NAA11: variants seen among roughly 807,000 people sequenced by gnomAD.
NAA11 encodes N-alpha-acetyltransferase 11, NatA catalytic subunit.
In NAA11, 15 loss-of-function variants were observed where a neutral mutation model predicts 16.1. The observed-to-expected ratio is 0.93, with a 90% confidence interval of 0.62 to 1.44. The LOEUF (loss-of-function observed/expected upper bound fraction) is 1.44. NAA11 is among the 40% of genes most tolerant of loss of function. NAA11 has a pLI of 0.00. For synonymous variants in NAA11, 122 were observed against 112.4 expected (o/e 1.09, Z -0.54); for missense variants, 298 against 291.3 (o/e 1.02, Z -0.17).
chr4:79,214,692 G>A, the NAA11 span, among the ~76,000 whole-genome samples: 2 of 152,116 alleles, frequency 1.3e-5, no homozygotes, highest in Non-Finnish European at 2.9e-5. Context: ...TCAGCTACTT[G>A]GGAGGCTGAG....
chr4:79,277,484 TG>T lies in NAA11; in HGVS notation c.*122+16520del. On this transcript the variant is annotated intron_variant and NMD_transcript_variant, in intron 2 of 2. Transcript: ENST00000511542. ...TGTAAGGAAATACAAGAGGAGGGGT[TG>T]TTAGATATGAATTCTAAATTTCTTT... Among the ~76,000 whole-genome samples, 4 of 152,266 alleles carry T rather than the reference TG, an allele frequency of 2.6e-5. No individual in the cohort carries two copies. In the South Asian group the frequency reaches 8.3e-4, roughly 32 times the overall value.
At chr4:79,267,101 A>G (rs1315132600) in intron 2 of NAA11, among the ~76,000 whole-genome samples, 1 of 152,220 alleles carries the variant, frequency 6.6e-6, no homozygotes, top group Admixed American at 6.5e-5. Context: ...GTAGATATAA[A>G]TATAGTCAAG....
At chr4:79,277,641 C>T (rs1722686225) in intron 2 of NAA11, among the ~76,000 whole-genome samples, 1 of 151,982 alleles carries the variant, frequency 6.6e-6, no homozygotes, top group Non-Finnish European at 1.5e-5. Flanking sequence ...CACCCTGACT[C>T]ATTCCAATCA....
At chr4:79,168,078 T>A in the NAA11 span, among the ~76,000 whole-genome samples, 1 of 151,838 alleles carries the variant, frequency 6.6e-6, no homozygotes, top group Non-Finnish European at 1.5e-5. Context: ...TGTCCATGTG[T>A]TCTAATTGTT....
intron 2 of NAA11, chr4:79,228,051 A>G (rs910426405): frequency 2.6e-5 from 4 of 152,020 alleles, no homozygotes; most frequent in African/African-American, 9.7e-5. Flanking sequence ...CTTGCAAACC[A>G]GTAACAACAG....
At chr4:79,262,504 T>G (rs1722263658) in intron 2 of NAA11, among the ~76,000 whole-genome samples, 1 of 152,104 alleles carries the variant, frequency 6.6e-6, no homozygotes, top group Admixed American at 6.6e-5. Flanking sequence ...TTGTTAATAA[T>G]ATATAGGGGG....
At chr4:79,298,807 T>C (rs1723304106) in intron 1 of NAA11, among the ~76,000 whole-genome samples, 1 of 152,174 alleles carries the variant, frequency 6.6e-6, no homozygotes, top group East Asian at 1.9e-4. Flanking sequence ...CTGCCAAAGG[T>C]GTCATCGGCC....
chr4:79,230,292 G>C (rs1035802249), intron 2 of NAA11, among the ~76,000 whole-genome samples: 3 of 151,666 alleles, frequency 2.0e-5, no homozygotes, highest in Admixed American at 1.3e-4. Flanking sequence ...GGGGAGAGGG[G>C]AGGGATAGCA....
intron 2 of NAA11, among the ~76,000 whole-genome samples, chr4:79,262,240 G>C (rs1167691077): frequency 1.3e-5 from 2 of 152,090 alleles, no homozygotes; most frequent in Non-Finnish European, 2.9e-5. Context: ...AGACAAGCTA[G>C]TAAAACATAA....
intron 1 of NAA11, among the ~76,000 whole-genome samples, chr4:79,303,272 T>C (rs1328771201): frequency 6.6e-6 from 1 of 151,768 alleles, no homozygotes; most frequent in Non-Finnish European, 1.5e-5. Context: ...TTCTTTATTT[T>C]CAGATGCAAA....
chr4:79,279,825 A>G (rs1393475355), intron 2 of NAA11, among the ~76,000 whole-genome samples: 4 of 152,122 alleles, frequency 2.6e-5, no homozygotes, highest in African/African-American at 9.7e-5. Context: ...GGACTCATAG[A>G]TACTAAGCAA....
At chr4:79,247,710 AC>A (rs1446538687) in intron 2 of NAA11, among the ~76,000 whole-genome samples, 1 of 152,054 alleles carries the variant, frequency 6.6e-6, no homozygotes, top group East Asian at 1.9e-4. Flanking sequence ...AAAGCTGGGA[AC>A]CCTGCCCAGG....
chr4:79,191,453 T>G, the NAA11 span, among the ~76,000 whole-genome samples: 24 of 152,300 alleles, frequency 1.6e-4, no homozygotes, highest in East Asian at 3.5e-3. Flanking sequence ...TTTTATTGCA[T>G]AGGCTTGTTG....
chr4:79,288,160 A>T (rs960336234), intron 2 of NAA11, among the ~76,000 whole-genome samples: 2 of 152,176 alleles, frequency 1.3e-5, no homozygotes, highest in African/African-American at 4.8e-5. Flanking sequence ...TAGGTCAGCA[A>T]ATCAGAATTG....
chr4:79,194,080 G>A, the NAA11 span, among the ~76,000 whole-genome samples: 1 of 152,146 alleles, frequency 6.6e-6, no homozygotes, highest in Non-Finnish European at 1.5e-5. Flanking sequence ...TTTGTATCCT[G>A]AGACTTTGCT....
chr4:79,189,888 G>C, the NAA11 span, among the ~76,000 whole-genome samples: 2 of 152,182 alleles, frequency 1.3e-5, no homozygotes, highest in Non-Finnish European at 2.9e-5. Flanking sequence ...AGAGAGCAAG[G>C]TGGTGAGCTA....
the NAA11 span, among the ~76,000 whole-genome samples, chr4:79,194,717 C>T: frequency 4.6e-5 from 7 of 152,192 alleles, no homozygotes; most frequent in East Asian, 1.4e-3. Flanking sequence ...ACCTGTCAAT[C>T]CAGGGGGTTT....
intron 2 of NAA11, among the ~76,000 whole-genome samples, chr4:79,255,174 T>C (rs1398029666): frequency 1.3e-5 from 2 of 152,168 alleles, no homozygotes; most frequent in African/African-American, 4.8e-5. Context: ...TGGTGGTGAT[T>C]GGAAGAGGGA....
At chr4:79,186,427 CTTCTT>C in the NAA11 span, among the ~76,000 whole-genome samples, 2 of 152,170 alleles carry the variant, frequency 1.3e-5, no homozygotes, top group African/African-American at 4.8e-5. Context: ...TAGGGGAAAA[CTTCTT>C]TTCTATTGAA....
Sources: gnomAD v4.1 joint callset for allele counts (sites outside exome capture counted in the v4.1 genomes callset) on GRCh38, gnomAD v4.1.1 for gene constraint, MANE v1.5 for transcripts, NCBI Gene and HGNC (gene_info 2026-07-23, HGNC 2026-07-21) for gene names.